The following DCC variants were observed in gnomAD, a reference collection of about 807,000 sequenced individuals.
The protein encoded by DCC is DCC netrin 1 receptor.
DCC carries 58 observed loss-of-function variants against 172.5 expected under a neutral mutation model. That is an observed-to-expected ratio of 0.34 (90% confidence interval 0.27 to 0.42). The LOEUF (loss-of-function observed/expected upper bound fraction) is 0.42, where lower values mean the gene tolerates loss of function less well. Among genes scored for constraint, DCC ranks in the 10% least tolerant of loss-of-function variants. DCC has a pLI of 1.00. For missense variants in DCC, 1,740 were observed against 1,791.0 expected (o/e 0.97, Z 0.51); for synonymous variants, 709 against 644.5 (o/e 1.10, Z -1.52).
rs553112190 is a variant in DCC, at chr18:52,599,819, A to G, written c.92-152235A>G. On this transcript the variant is annotated intron_variant, in intron 1 of 28. Coordinates refer to ENST00000442544, the MANE Select transcript of DCC (RefSeq NM_005215.4). Reference sequence around the variant, plus strand: ...TTGAGCCACCGCGCCCGGCCTGTCTATAAATATTTTAAAAAGCAAAAAAAA... The same window carrying G: ...TTGAGCCACCGCGCCCGGCCTGTCTGTAAATATTTTAAAAAGCAAAAAAAA... 1.1e-4 allele frequency among the ~76,000 whole-genome samples: 16 copies of G among 151,980 alleles called. No homozygotes were observed. The South Asian group carries it at 3.1e-3, about 30-fold the overall frequency.
chr18:53,471,163 T>C (rs1458830745), intron 25 of DCC, among the ~76,000 whole-genome samples: 3 of 152,122 alleles, frequency 2.0e-5, no homozygotes, highest in Admixed American at 2.0e-4. Context: ...AAAAAAACTA[T>C]TCGTATTTTT....
At chr18:53,288,808 C>A (rs2056964806) in intron 12 of DCC, among the ~76,000 whole-genome samples, 1 of 152,120 alleles carries the variant, frequency 6.6e-6, no homozygotes, top group African/African-American at 2.4e-5. Context: ...ATTAACTTAT[C>A]TGAACTTTAG....
chr18:52,715,296 T>TTTC (rs1038000815), intron 1 of DCC, among the ~76,000 whole-genome samples: 8 of 262 alleles, frequency 0.031, no homozygotes, highest in African/African-American at 0.036. Context: ...TTTTCTTTTC[T>TTTC]TTTTTTTTTA....
intron 22 of DCC, among the ~76,000 whole-genome samples, chr18:53,439,891 A>G (rs1370702875): frequency 2.7e-5 from 4 of 148,418 alleles, no homozygotes; most frequent in African/African-American, 9.8e-5. Flanking sequence ...CAGCCTCCCA[A>G]GTAGCTGGGA....
chr18:53,157,450 T>C lies in DCC; in HGVS notation c.1356T>C (p.Pro452=). The change falls in exon 8 of 29, where the codon CCT becomes CCC. Residue 452 remains proline (P), a synonymous_variant. Coordinates refer to ENST00000442544, the MANE Select transcript of DCC (RefSeq NM_005215.4). The stretch of plus-strand genomic sequence containing the variant: ...TTGTCCGTCTCAGCTGGCGCCCACC[T>C]GCAGAAGCGAAAGGGAACATTCAAA... ...SRFVRLSWRP[P]AEAKGNIQTF... 3 of 1,614,146 alleles carry C rather than the reference T, an allele frequency of 1.9e-6. No homozygotes were observed. Among genetic ancestry groups the C allele is most frequent in the Non-Finnish European group, 2.5e-6 (3 of 1,180,002 alleles).
At position 53,135,999 on chromosome 18, in the gene DCC, G is replaced by A. The variant is rs558936172; in HGVS notation, c.1262-21357G>A. Among the ~76,000 whole-genome samples, 73 of 152,150 alleles carry A rather than the reference G, an allele frequency of 4.8e-4. 1 individual carries two copies. In the Middle Eastern group the frequency reaches 0.024, roughly 50 times the overall value. ...TAGTATATGATGTCAGTTAATTACT[G>A]AGAGCCATTCACTGCATACATGTAA... On this transcript the variant is annotated intron_variant, in intron 7 of 28. Coordinates refer to ENST00000442544, the MANE Select transcript of DCC (RefSeq NM_005215.4).
chr18:52,642,102 A>ACT (rs2034918363), intron 1 of DCC, among the ~76,000 whole-genome samples: 2 of 147,730 alleles, frequency 1.4e-5, no homozygotes, highest in Admixed American at 6.8e-5. Context: ...ACACACTCAC[A>ACT]CACACATACA....
intron 2 of DCC, among the ~76,000 whole-genome samples, chr18:52,871,793 A>G (rs942100104): frequency 2.4e-4 from 36 of 152,170 alleles, no homozygotes; most frequent in African/African-American, 8.7e-4. Flanking sequence ...GGGACCAAAA[A>G]TTTATGAATA....
At chr18:53,152,383 G>T (rs983017481) in intron 7 of DCC, among the ~76,000 whole-genome samples, 11 of 151,954 alleles carry the variant, frequency 7.2e-5, no homozygotes, top group Non-Finnish European at 1.5e-4. Context: ...AAAAGTCCTT[G>T]GTATCTAGAA....
chr18:52,658,608 A>G (rs1032527361), intron 1 of DCC, among the ~76,000 whole-genome samples: 13 of 151,518 alleles, frequency 8.6e-5, no homozygotes, highest in African/African-American at 3.1e-4. Context: ...TCTGAGAAAT[A>G]TGATGAGATT....
intron 5 of DCC, among the ~76,000 whole-genome samples, chr18:52,987,920 T>A (rs962062452): frequency 1.3e-5 from 2 of 152,236 alleles, no homozygotes; most frequent in African/African-American, 4.8e-5. Context: ...ATAATAGTTT[T>A]CCCTTCTTAT....
At chr18:52,762,274 A>G (rs2037173376) in intron 2 of DCC, among the ~76,000 whole-genome samples, 1 of 151,598 alleles carries the variant, frequency 6.6e-6, no homozygotes, top group Admixed American at 6.6e-5. Flanking sequence ...GGAATTCAAG[A>G]TCAGCATGGG....
intron 2 of DCC, among the ~76,000 whole-genome samples, chr18:52,876,426 A>T (rs2039403747): frequency 6.6e-6 from 1 of 152,240 alleles, no homozygotes; most frequent in South Asian, 2.1e-4. Flanking sequence ...CTTCATATGC[A>T]TAGGCATACA....
chr18:52,547,701 A>C (rs887220513), intron 1 of DCC, among the ~76,000 whole-genome samples: 1 of 152,154 alleles, frequency 6.6e-6, no homozygotes, highest in Non-Finnish European at 1.5e-5. Context: ...TCGTTACACA[A>C]AAATGAAAAG....
Position 53,510,929 on chromosome 18 carries a change from A to G in DCC, c.4111+11419A>G, listed in dbSNP as rs149549854. On this transcript the variant is annotated intron_variant, in intron 27 of 28. Coordinates refer to ENST00000442544, the MANE Select transcript of DCC (RefSeq NM_005215.4). ...CCTGTTCTGTTTCACTCAGCTTTCT[A>G]TCAAAGCCTACCTTGTAGAATTTTT... Among the ~76,000 whole-genome samples, 13 of 152,276 alleles carry G rather than the reference A, an allele frequency of 8.5e-5. No homozygotes were observed. In the East Asian group the frequency reaches 1.7e-3, roughly 20 times the overall value.
In DCC at chr18:52,890,833, G is replaced by A. The variant is rs548019504; in HGVS notation, c.413-15211G>A. Among the ~76,000 whole-genome samples the A allele has an allele frequency of 2.6e-5, 4 of 152,136 alleles. No individual in the cohort carries two copies. The East Asian group carries it at 7.7e-4, about 29-fold the overall frequency. ...AAGAGAAGAGTAAAATATATGAAAA[G>A]AGTTTGCCTCAAAGGACACAAACTT... On this transcript the variant is annotated intron_variant, in intron 2 of 28. Coordinates refer to ENST00000442544, the MANE Select transcript of DCC (RefSeq NM_005215.4).
At position 52,686,017 on chromosome 18, in the gene DCC, G is replaced by A. The variant is rs141617033; in HGVS notation, c.92-66037G>A. Among the ~76,000 whole-genome samples, 601 of 151,978 alleles carry A rather than the reference G, an allele frequency of 4.0e-3. 5 individuals carry two copies. The highest frequency in any genetic ancestry group is 0.014 in the African/African-American group (574 of 41,452). ...GAAGACAATTCTGCTTCAATGTAAA[G>A]GGGTACAGGACAGTCTACTGTGACC... is the stretch of plus-strand genomic sequence containing the variant. On this transcript the variant is annotated intron_variant, in intron 1 of 28. Coordinates refer to ENST00000442544, the MANE Select transcript of DCC (RefSeq NM_005215.4).
chr18:52,976,736 T>A (rs2041125516), intron 5 of DCC, among the ~76,000 whole-genome samples: 1 of 152,244 alleles, frequency 6.6e-6, no homozygotes, highest in South Asian at 2.1e-4. Flanking sequence ...CTGAGGATAT[T>A]CTATTCTGAT....
intron 1 of DCC, among the ~76,000 whole-genome samples, chr18:52,510,357 A>T (rs892422147): frequency 1.3e-5 from 2 of 152,170 alleles, no homozygotes; most frequent in African/African-American, 4.8e-5. Flanking sequence ...GTCTTTATAG[A>T]CATCAGTGCC....
Sources: allele counts gnomAD v4.1 joint callset (sites outside exome capture counted in the v4.1 genomes callset), GRCh38; gene constraint gnomAD v4.1.1; transcripts MANE v1.5; gene names NCBI Gene and HGNC (gene_info 2026-07-23, HGNC 2026-07-21).